Variants in PRTG observed in about 807,000 individuals in gnomAD.
PRTG encodes immunoglobulin superfamily, DCC subclass, member 5.
In PRTG, 67 loss-of-function variants were observed where a neutral mutation model predicts 122.5. The observed-to-expected ratio is 0.55, with a 90% CI of 0.45 to 0.67. The LOEUF (loss-of-function observed/expected upper bound fraction) is 0.67. Ranked by LOEUF, PRTG falls within the 30% of genes least tolerant of loss-of-function variation. The pLI, the probability that PRTG is intolerant of heterozygous loss-of-function variation, is 0.00. For synonymous variants in PRTG, 554 were observed against 501.1 expected, an observed-to-expected ratio of 1.11 and a Z score of -1.41; for missense variants, 1,435 against 1,415.4, an observed-to-expected ratio of 1.01 and a Z score of -0.22.
intron 11 of PRTG, among the ~76,000 whole-genome samples, chr15:55,644,678 G>A (rs1191658073): frequency 2.6e-5 from 4 of 151,920 alleles, no homozygotes; most frequent in South Asian, 2.1e-4. Context: ...TCTCCTATGT[G>A]GAAATCATCA....
intron 2 of PRTG, among the ~76,000 whole-genome samples, chr15:55,731,910 T>C (rs1158169929): frequency 2.6e-5 from 4 of 152,222 alleles, no homozygotes; most frequent in African/African-American, 7.2e-5. Context: ...GATTCTGTCA[T>C]GTGAACATCA....
chr15:55,684,962 T>C (rs574859796), intron 2 of PRTG, among the ~76,000 whole-genome samples: 2 of 152,282 alleles, frequency 1.3e-5, no homozygotes, highest in South Asian at 2.1e-4. Context: ...TTTGCAATTC[T>C]AGGCAGGCCT....
At chr15:55,691,465 A>G (rs1032300405) in intron 2 of PRTG, among the ~76,000 whole-genome samples, 4 of 151,996 alleles carry the variant, frequency 2.6e-5, no homozygotes, top group Non-Finnish European at 5.9e-5. Flanking sequence ...GGTGGATCAC[A>G]AGGTCAGGAA....
chr15:55,743,146 G>A lies in PRTG; in HGVS notation c.-215C>T. Reference sequence around the variant, plus strand: ...AAGGGGCCTGAGAGTCCGGCTGGGGGCGGAGTGAGGCGGCGGCTGCAGAGG... The same window carrying A: ...AAGGGGCCTGAGAGTCCGGCTGGGGACGGAGTGAGGCGGCGGCTGCAGAGG... On this transcript the variant is annotated 5_prime_UTR_variant, in exon 1 of 20. Transcript: ENST00000389286. 4.8e-6 allele frequency: 6 copies of A among 1,244,256 alleles called. No homozygotes were observed. Among genetic ancestry groups the A allele is most frequent in the Non-Finnish European group, 5.0e-6 (5 of 996,548 alleles). 77.1% of individuals were successfully genotyped at this position (1,244,256 alleles called of 1,614,324 possible).
At chr15:55,633,286 T>C (rs2059237948) in intron 15 of PRTG, among the ~76,000 whole-genome samples, 1 of 152,142 alleles carries the variant, frequency 6.6e-6, no homozygotes, top group African/African-American at 2.4e-5. Flanking sequence ...CTCGGCTCAC[T>C]GCAACTGCTG....
rs1410157208 is a variant in PRTG, at chr15:55,641,181, A to G, written c.2069T>C (p.Leu690Pro). The G allele has an allele frequency of 6.2e-7, 1 of 1,613,742 alleles. No homozygotes were observed. The highest frequency in any genetic ancestry group is 1.1e-5 in the South Asian group (1 of 91,064). The change falls in exon 12 of 20, where the codon CTC (leucine) becomes CCC (proline). Residue 690 changes from leucine (L) to proline (P), a missense_variant. Coordinates refer to ENST00000389286, the MANE Select transcript of PRTG (RefSeq NM_173814.6). ...ATCGTCTATGTTGTTGTAAGCCAGG[A>G]GTCTCACATGATATTTTCTTCTGGG... ...LDPRRKYHVR[L>P]LAYNNIDDGY...
At chr15:55,635,934 C>T (rs7164393) in intron 15 of PRTG, among the ~76,000 whole-genome samples, 16,354 of 151,984 alleles carry the variant, frequency 0.11, 1,160 homozygotes, top group East Asian at 0.38. Context: ...ACTCTCTTCT[C>T]AGAATATATG....
intron 8 of PRTG, 48 bp downstream of exon 8, chr15:55,677,749 C>T: frequency 6.3e-7 from 1 of 1,581,620 alleles, no homozygotes; most frequent in Non-Finnish European, 8.6e-7. Context: ...AAAACAAATC[C>T]TTGATAGCAA....
rs753510443 is a variant in PRTG, at chr15:55,673,593, A to G, written c.1630T>C (p.Tyr544His). 8.1e-6 allele frequency: 13 copies of G among 1,614,108 alleles called. No individual in the cohort carries two copies. The highest frequency in any genetic ancestry group is 4.2e-6 in the Non-Finnish European group (5 of 1,180,034). Residue 544 changes from tyrosine to histidine, a missense_variant, in exon 10 of 20, where the codon TAT becomes CAT. Coordinates refer to ENST00000389286, the MANE Select transcript of PRTG (RefSeq NM_173814.6). Reference protein sequence around the residue: ...LISWLPIPAKYRRGQVVLYRL... With the variant: ...LISWLPIPAKHRRGQVVLYRL... ...TACAGCACCACTTGGCCCCGCCGAT[A>G]TTTGGCTGGGATTGGCAGCCAGGAG...
In PRTG at chr15:55,619,837, G is replaced by C; in HGVS notation, c.*175C>G. On this transcript the variant is annotated 3_prime_UTR_variant, in exon 20 of 20. Transcript: ENST00000389286. Reference sequence around the variant, plus strand: ...CATTGTCCTTCGAACAGATTTAATGGTGAGAATACCTGAGCATGGCCGTCT... The same window carrying C: ...CATTGTCCTTCGAACAGATTTAATGCTGAGAATACCTGAGCATGGCCGTCT... The C allele has an allele frequency of 9.5e-7, 1 of 1,052,140 alleles. No homozygotes were observed. The highest frequency in any genetic ancestry group is 2.6e-5 in the East Asian group (1 of 38,782). The allele number at this position is 1,052,140 out of a possible 1,614,324, so 65.2% of individuals were successfully genotyped here.
chr15:55,727,004 C>T (rs986588261), intron 2 of PRTG, among the ~76,000 whole-genome samples: 6 of 150,394 alleles, frequency 4.0e-5, no homozygotes, highest in African/African-American at 1.5e-4. Context: ...TTATGGGATG[C>T]AGTGGAAGCA....
intron 11 of PRTG, among the ~76,000 whole-genome samples, chr15:55,657,931 G>A (rs1371253739): frequency 6.6e-6 from 1 of 152,120 alleles, no homozygotes; most frequent in East Asian, 1.9e-4. Context: ...AAAATAAAAG[G>A]TTCTTAATAC....
intron 11 of PRTG, 146 bp downstream of exon 11, chr15:55,672,299 G>A: frequency 1.6e-6 from 1 of 628,360 alleles, no homozygotes; most frequent in Non-Finnish European, 2.7e-6. Flanking sequence ...ACTGACTTCA[G>A]CAGTAGCATA....
chr15:55,622,343 G>A (rs141878748), intron 18 of PRTG, among the ~76,000 whole-genome samples: 6 of 147,904 alleles, frequency 4.1e-5, no homozygotes, highest in South Asian at 2.2e-4. Context: ...TCAGCCTCCC[G>A]AGTAGCTGGG....
intron 2 of PRTG, among the ~76,000 whole-genome samples, chr15:55,727,033 G>A (rs1421045602): frequency 6.6e-6 from 1 of 151,436 alleles, no homozygotes; most frequent in Non-Finnish European, 1.5e-5. Context: ...AGGGAAACTG[G>A]TGGCTATAAA....
At chr15:55,638,461 G>T in intron 14 of PRTG, 88 bp downstream of exon 14, 1 of 987,024 alleles carries the variant, frequency 1.0e-6, no homozygotes, top group Non-Finnish European at 1.4e-6. Flanking sequence ...AACTAGGGTA[G>T]TATCCTACAC....
intron 2 of PRTG, among the ~76,000 whole-genome samples, chr15:55,739,824 C>G (rs1166461587): frequency 6.6e-6 from 1 of 152,136 alleles, no homozygotes; most frequent in Admixed American, 6.5e-5. Flanking sequence ...TGGAAATGGC[C>G]TTAATCTCTT....
intron 2 of PRTG, among the ~76,000 whole-genome samples, chr15:55,697,862 C>T (rs958872336): frequency 2.6e-5 from 4 of 152,116 alleles, no homozygotes; most frequent in South Asian, 2.1e-4. Context: ...TTATGGATAA[C>T]GTAAGGTAAT....
At position 55,612,742 on chromosome 15, in the gene PRTG, A is replaced by G. The variant is rs983405537; in HGVS notation, c.*7270T>C. ...TATATATATATATATATATATATAT[A>G]TATATATGACTTAAATTGGAGTAAG... On this transcript the variant is annotated 3_prime_UTR_variant, in exon 20 of 20. Coordinates refer to ENST00000389286, the MANE Select transcript of PRTG (RefSeq NM_173814.6). The G allele has an allele frequency of 2.1e-4, 17 of 80,578 alleles. No individual in the cohort carries two copies. In the South Asian group the frequency reaches 6.1e-3, roughly 29 times the overall value. The allele number at this position is 80,578 out of a possible 1,614,324, so 5.0% of individuals were successfully genotyped here. A position where few individuals can be genotyped will look rare whatever the true frequency, so the allele number is the denominator to read the frequency against.
Sources: allele counts gnomAD v4.1 joint callset (sites outside exome capture counted in the v4.1 genomes callset), GRCh38; gene constraint gnomAD v4.1.1; transcripts MANE v1.5; gene names NCBI Gene and HGNC (gene_info 2026-07-23, HGNC 2026-07-21).